The following FRY variants were observed in gnomAD, a reference collection of about 807,000 sequenced individuals.
The protein encoded by FRY is FRY microtubule binding protein, also known as protein furry homolog.
A neutral mutation model predicts 348.4 loss-of-function variants in FRY; 128 were observed. That is an observed-to-expected ratio of 0.37 (90% CI 0.32 to 0.43). The LOEUF is 0.43. Among genes scored for constraint, FRY ranks in the 20% least tolerant of loss-of-function variants. The pLI, the probability that FRY is intolerant of heterozygous loss-of-function variation, is 1.00. For synonymous variants in FRY, 1,370 were observed against 1,374.7 expected (o/e 1.00, Z 0.08); for missense variants, 2,736 against 3,695.2 (o/e 0.74, Z 6.73).
chr13:32,159,574 C>T (rs1881326681), intron 16 of FRY, among the ~76,000 whole-genome samples: 1 of 151,946 alleles, frequency 6.6e-6, no homozygotes, highest in Non-Finnish European at 1.5e-5. Context: ...TATATGCTTC[C>T]CATAAAAGGC....
At chr13:32,060,934 G>T in intron 1 of FRY, 1 of 375,772 alleles carries the variant, frequency 2.7e-6, no homozygotes, top group Non-Finnish European at 5.4e-6. Context: ...TTTAGCACCT[G>T]ACTAAAAATA....
intron 58 of FRY, among the ~76,000 whole-genome samples, chr13:32,284,359 GA>G (rs772384009): frequency 6.6e-6 from 1 of 152,048 alleles, no homozygotes; most frequent in Non-Finnish European, 1.5e-5. Flanking sequence ...TATACAAATT[GA>G]ACAAGTTAAG....
At chr13:32,136,259 G>A (rs909721777) in intron 10 of FRY, among the ~76,000 whole-genome samples, 10 of 152,038 alleles carry the variant, frequency 6.6e-5, no homozygotes, top group African/African-American at 1.2e-4. Context: ...AAGTTGCTGC[G>A]GGAAGCTGGC....
intron 58 of FRY, among the ~76,000 whole-genome samples, chr13:32,280,493 A>G (rs1479974323): frequency 6.6e-6 from 1 of 152,234 alleles, no homozygotes; most frequent in African/African-American, 2.4e-5. Flanking sequence ...GCCACCCAGT[A>G]GTACTCATGG....
At chr13:32,111,742 C>A (rs906577457) in intron 3 of FRY, among the ~76,000 whole-genome samples, 1 of 152,112 alleles carries the variant, frequency 6.6e-6, no homozygotes, top group East Asian at 1.9e-4. Context: ...TTGTCACAAC[C>A]CACTTATATT....
chr13:32,292,478 A>T lies in FRY; in HGVS notation c.8581-1890A>T, dbSNP rs527690288. 3.9e-5 allele frequency among the ~76,000 whole-genome samples: 6 copies of T among 152,280 alleles called. No homozygotes were observed. The East Asian group carries it at 1.2e-3, about 29-fold the overall frequency. On this transcript the variant is annotated intron_variant, in intron 59 of 60. Coordinates refer to ENST00000542859, the MANE Select transcript of FRY (RefSeq NM_023037.3). ...GTCACATGCTACAGAGAAATATTTC[A>T]TGAAAGGAAGAGTCAATCAATAAAG... is the stretch of plus-strand genomic sequence containing the variant.
At chr13:32,115,217 A>G (rs193194678) in intron 3 of FRY, among the ~76,000 whole-genome samples, 1 of 152,218 alleles carries the variant, frequency 6.6e-6, no homozygotes, top group Non-Finnish European at 1.5e-5. Context: ...AATCCTATTG[A>G]CACAAAGCAC....
At chr13:32,053,056 T>C (rs1873430587) in intron 1 of FRY, among the ~76,000 whole-genome samples, 1 of 151,492 alleles carries the variant, frequency 6.6e-6, no homozygotes, top group African/African-American at 2.4e-5. Context: ...GAGGTCGCAA[T>C]GAGCTGAGAT....
At chr13:32,273,249 A>T (rs1593834116) in intron 55 of FRY, among the ~76,000 whole-genome samples, 1 of 127,724 alleles carries the variant, frequency 7.8e-6, no homozygotes, top group Non-Finnish European at 1.6e-5. Flanking sequence ...TTTGAGACGG[A>T]GTCTCGCTGT....
At position 32,211,026 on chromosome 13, in the gene FRY, C is replaced by A; in HGVS notation, c.4583C>A (p.Ala1528Glu). The stretch of plus-strand genomic sequence containing the variant: ...ACGGCCAGTAGCAAGGCTTCCGCAG[C>A]AGCCTCAGGTAAGAAGAGCAACCGG... ...RFTASSKASA[A>E]ASGTTSSSNT... is the part of the protein sequence containing the mutation. The change falls in exon 34 of 61, where the codon GCA becomes GAA. Residue 1528 changes from alanine to glutamate, a missense_variant. Transcript: ENST00000542859. The A allele has an allele frequency of 6.2e-7, 1 of 1,614,012 alleles. No homozygotes were observed. The highest frequency in any genetic ancestry group is 8.5e-7 in the Non-Finnish European group (1 of 1,179,846).
chr13:32,088,494 T>C (rs1593598304), intron 2 of FRY, among the ~76,000 whole-genome samples: 1 of 152,310 alleles, frequency 6.6e-6, no homozygotes, highest in Non-Finnish European at 1.5e-5. Flanking sequence ...AAACATAGCA[T>C]TGTTAGTAGC....
At chr13:32,281,777 G>A (rs1888815945) in intron 58 of FRY, among the ~76,000 whole-genome samples, 1 of 152,172 alleles carries the variant, frequency 6.6e-6, no homozygotes, top group South Asian at 2.1e-4. Flanking sequence ...AAAGAAGTTG[G>A]CAATCCTAGT....
chr13:32,297,612 T>A lies in FRY; in HGVS notation c.*2152T>A, dbSNP rs1288880536. 4.6e-5 allele frequency: 7 copies of A among 152,244 alleles called. No individual in the cohort carries two copies. In the East Asian group the frequency reaches 1.3e-3, roughly 29 times the overall value. The allele number at this position is 152,244 out of a possible 1,614,324, so 9.4% of individuals were successfully genotyped here. On this transcript the variant is annotated 3_prime_UTR_variant, in exon 61 of 61. Coordinates refer to ENST00000542859, the MANE Select transcript of FRY (RefSeq NM_023037.3). The stretch of plus-strand genomic sequence containing the variant: ...ATTTTTAAAAGGAGATGTATTAATG[T>A]GAAAGGTTTCTTCTACTTTTCCTCT...
chr13:32,208,807 G>A, intron 31 of FRY, 46 bp from the exon 32 acceptor site: 1 of 1,611,674 alleles, frequency 6.2e-7, no homozygotes, highest in Non-Finnish European at 8.5e-7. Context: ...ATTTATTTTG[G>A]TGGAATAAGG....
At chr13:32,218,713 G>A in intron 35 of FRY, 36 bp from the exon 36 acceptor site, 4 of 1,121,486 alleles carry the variant, frequency 3.6e-6, no homozygotes, top group Non-Finnish European at 5.4e-6. Context: ...ATGCACACAT[G>A]TTAATATTTC....
In FRY at chr13:32,209,005, C is replaced by T. The variant is rs773635841; in HGVS notation, c.4171C>T (p.Arg1391Trp). 45 of 1,614,046 alleles carry T rather than the reference C, an allele frequency of 2.8e-5. No homozygotes were observed. Among genetic ancestry groups the T allele is most frequent in the South Asian group, 6.6e-5 (6 of 91,088 alleles). Residue 1391 changes from arginine (R) to tryptophan (W), a missense_variant, in exon 32 of 61, where the codon CGG (arginine) becomes TGG (tryptophan). By Grantham distance (101) the Arg-to-Trp change is moderately radical. This residue lies in a region of FRY where 794 missense variants were observed against 977.0 expected (regional missense o/e 0.81). Transcript: ENST00000542859. ...CAGCCCAGAGGACGAAGTCAAGGAC[C>T]GGGAAGGTGACGTGACTGCTTCTCA... ...PSSPEDEVKD[R>W]EGDVTASHGL...
chr13:32,082,085 G>A (rs1210122588), intron 2 of FRY, among the ~76,000 whole-genome samples: 1 of 152,042 alleles, frequency 6.6e-6, no homozygotes, highest in African/African-American at 2.4e-5. Flanking sequence ...TCAGGAATCT[G>A]TATTTTTCAG....
At chr13:32,111,490 C>T (rs1877959722) in intron 3 of FRY, among the ~76,000 whole-genome samples, 4 of 151,870 alleles carry the variant, frequency 2.6e-5, no homozygotes, top group Admixed American at 2.0e-4. Flanking sequence ...AGTGAGACTC[C>T]ATCTCAAAAA....
rs1886414199 is a variant in FRY, at chr13:32,239,922, A to T, written c.6687+41A>T. 1.3e-6 allele frequency: 2 copies of T among 1,562,242 alleles called. No homozygotes were observed. Among genetic ancestry groups the T allele is most frequent in the Non-Finnish European group, 1.8e-6 (2 of 1,139,592 alleles). The stretch of plus-strand genomic sequence containing the variant: ...TTGTTTTTTGAGACAGGGTCTCATT[A>T]TGTTGCCCAGGCTGATCTCAACTCT... On this transcript the variant is annotated intron_variant, in intron 46 of 60. Transcript: ENST00000542859. The surrounding 1 kb of genome is among the most constrained non-coding windows in gnomAD (Gnocchi z 4.3).
Sources: gnomAD v4.1 joint callset for allele counts (sites outside exome capture counted in the v4.1 genomes callset) on GRCh38, gnomAD v4.1.1 for gene constraint, gnomAD v4.1.1 regional missense constraint, Gnocchi (gnomAD v3.1) non-coding constraint, MANE v1.5 for transcripts, NCBI Gene and HGNC (gene_info 2026-07-23, HGNC 2026-07-21) for gene names.